The following ARHGAP29 variants were observed in gnomAD, a reference collection of about 807,000 sequenced individuals.
ARHGAP29 encodes the protein Rho GTPase activating protein 29.
In ARHGAP29, 43 loss-of-function variants were observed where a neutral mutation model predicts 122.6. That is an observed-to-expected ratio of 0.35 (90% CI 0.27 to 0.45). The LOEUF is 0.45. ARHGAP29 is among the 20% of genes least tolerant of loss of function. The pLI is 1.00. For synonymous variants in ARHGAP29, 506 were observed against 497.1 expected (o/e 1.02, Z -0.24); for missense variants, 1,303 against 1,477.2 (o/e 0.88, Z 1.93).
intron 1 of ARHGAP29, among the ~76,000 whole-genome samples, chr1:94,266,421 G>C (rs1009340401): frequency 1.3e-5 from 2 of 152,178 alleles, no homozygotes; most frequent in Admixed American, 6.5e-5. Context: ...TCGGAGCTTT[G>C]AATGGAGTTC....
chr1:94,267,044 C>G (rs914543976), intron 1 of ARHGAP29, among the ~76,000 whole-genome samples: 6 of 152,166 alleles, frequency 3.9e-5, no homozygotes, highest in Admixed American at 3.9e-4. Context: ...ATCATGCCTT[C>G]CTCAGGATTT....
At chr1:94,230,956 GTTAAAAAAAAA>G (rs941677945) in intron 2 of ARHGAP29, among the ~76,000 whole-genome samples, 9 of 149,270 alleles carry the variant, frequency 6.0e-5, no homozygotes, top group African/African-American at 2.2e-4. Context: ...TCTGATTTTT[GTTAAAAAAAAA>G]AAATGCAGTC....
the ARHGAP29 span, among the ~76,000 whole-genome samples, chr1:94,288,425 A>G: frequency 6.6e-6 from 1 of 152,058 alleles, no homozygotes; most frequent in African/African-American, 2.4e-5. Flanking sequence ...AGATTGCAAA[A>G]ATTTTCTCCC....
intron 12 of ARHGAP29, chr1:94,191,477 T>A (rs1360695032): frequency 6.6e-6 from 1 of 152,114 alleles, no homozygotes; most frequent in Non-Finnish European, 1.5e-5. Flanking sequence ...AAAGTACAGA[T>A]AACAGAATAA....
chr1:94,288,949 G>A, the ARHGAP29 span, among the ~76,000 whole-genome samples: 1 of 152,068 alleles, frequency 6.6e-6, no homozygotes, highest in Non-Finnish European at 1.5e-5. Context: ...TTTTCTTTTT[G>A]CTTAGGATTG....
intron 1 of ARHGAP29, among the ~76,000 whole-genome samples, chr1:94,233,398 A>G (rs1653050868): frequency 1.8e-5 from 1 of 55,558 alleles, no homozygotes; most frequent in Non-Finnish European, 4.1e-5. Flanking sequence ...ACTTCTCTCT[A>G]CTGCTACCAC....
At chr1:94,314,292 A>T in the ARHGAP29 span, among the ~76,000 whole-genome samples, 1 of 152,194 alleles carries the variant, frequency 6.6e-6, no homozygotes, top group Admixed American at 6.5e-5. Flanking sequence ...CAAAAGCACA[A>T]GGCTGCTTCA....
chr1:94,244,000 C>G (rs1653699900), intron 1 of ARHGAP29, among the ~76,000 whole-genome samples: 1 of 151,904 alleles, frequency 6.6e-6, no homozygotes, highest in African/African-American at 2.4e-5. Context: ...GTTAATAGCA[C>G]TACATGTATT....
chr1:94,287,497 CTATTATTATTAT>C, the ARHGAP29 span, among the ~76,000 whole-genome samples: 1 of 150,552 alleles, frequency 6.6e-6, no homozygotes, highest in Non-Finnish European at 1.5e-5. Flanking sequence ...ACCTCTTTTA[CTATTATTATTAT>C]TATTATTATT....
At chr1:94,300,938 T>C in the ARHGAP29 span, among the ~76,000 whole-genome samples, 2 of 152,198 alleles carry the variant, frequency 1.3e-5, no homozygotes, top group Admixed American at 6.5e-5. Context: ...CCTATCCCAA[T>C]CAGACCTTGG....
the ARHGAP29 span, chr1:94,302,705 T>A: frequency 2.4e-6 from 1 of 420,886 alleles, no homozygotes; most frequent in Admixed American, 2.6e-5. Context: ...GGAAGCTCAG[T>A]GGTGTGGCCT....
intron 1 of ARHGAP29, among the ~76,000 whole-genome samples, chr1:94,249,744 T>G (rs1322101891): frequency 6.7e-6 from 1 of 149,248 alleles, no homozygotes; most frequent in African/African-American, 2.5e-5. Context: ...AGAGTGAAAC[T>G]CCATCTCAAA....
Position 94,173,935 on chromosome 1 carries a change from C to CT in ARHGAP29, c.3719dup (p.Arg1241GlufsTer11). 1 of 1,614,178 alleles carries CT rather than the reference C, an allele frequency of 6.2e-7. No individual in the cohort carries two copies. The highest frequency in any genetic ancestry group is 1.1e-5 in the South Asian group (1 of 91,074). ...GTTGCATTCGTTTTAGCCTTGGTCT[C>CT]TGACACATTGGATTCACATCAGGCA... On this transcript the variant is annotated frameshift_variant, in exon 23 of 23. Coordinates refer to ENST00000260526, the MANE Select transcript of ARHGAP29 (RefSeq NM_004815.4). LOFTEE classifies it high-confidence loss of function.
the ARHGAP29 span, among the ~76,000 whole-genome samples, chr1:94,298,420 T>C: frequency 6.6e-6 from 1 of 152,214 alleles, no homozygotes; most frequent in Non-Finnish European, 1.5e-5. Context: ...TATTGTTCCA[T>C]GGGAAATTGC....
the ARHGAP29 span, chr1:94,302,215 A>G: frequency 7.6e-6 from 2 of 262,286 alleles, no homozygotes; most frequent in South Asian, 9.5e-5. Flanking sequence ...CCACTGCACC[A>G]TCAAGGCTGA....
At chr1:94,246,153 C>A (rs551455683) in intron 1 of ARHGAP29, among the ~76,000 whole-genome samples, 1 of 152,286 alleles carries the variant, frequency 6.6e-6, no homozygotes, top group African/African-American at 2.4e-5. Flanking sequence ...CAGACAAGAA[C>A]TGTATACATA....
At chr1:94,261,417 A>G (rs1472937879) in intron 1 of ARHGAP29, among the ~76,000 whole-genome samples, 1 of 152,182 alleles carries the variant, frequency 6.6e-6, no homozygotes, top group African/African-American at 2.4e-5. Context: ...GGTCAAGTGT[A>G]GCTACATCTC....
At position 94,246,907 on chromosome 1, in the gene ARHGAP29, G is replaced by C. The variant is rs77397704; in HGVS notation, c.-32-15264C>G. The stretch of plus-strand genomic sequence containing the variant: ...TGGAAGGGCGAGACCAGGCAGTAAT[G>C]AGTGGGGAGAGAGAAGGGGAGGAGT... On this transcript the variant is annotated intron_variant and NMD_transcript_variant, in intron 1 of 25. Transcript: ENST00000552844. Among the ~76,000 whole-genome samples, 99 of 152,192 alleles carry C rather than the reference G, an allele frequency of 6.5e-4. 2 individuals are homozygous for C. The East Asian group carries it at 0.018, about 27-fold the overall frequency.
At chr1:94,269,209 G>A (rs930869440) in intron 1 of ARHGAP29, among the ~76,000 whole-genome samples, 8 of 152,082 alleles carry the variant, frequency 5.3e-5, no homozygotes, top group African/African-American at 9.7e-5. Context: ...TGATTGATTC[G>A]TGAGCATTCA....
Sources: gnomAD v4.1 joint callset for allele counts (sites outside exome capture counted in the v4.1 genomes callset) on GRCh38, gnomAD v4.1.1 for gene constraint, MANE v1.5 for transcripts, NCBI Gene and HGNC (gene_info 2026-07-23, HGNC 2026-07-21) for gene names.